The following FGF23 variants were observed in gnomAD, a reference collection of about 807,000 sequenced individuals.
FGF23 encodes fibroblast growth factor 23, also known as phosphatonin.
FGF23 carries 8 observed loss-of-function variants against 9.0 expected under a neutral mutation model. That is an observed-to-expected ratio of 0.89 (90% CI 0.52 to 1.60). FGF23 has a LOEUF of 1.60. FGF23 is among the 40% of genes most tolerant of loss of function. The pLI, the probability that FGF23 is intolerant of heterozygous loss-of-function variation, is 0.00. For missense variants in FGF23, 311 were observed against 344.3 expected (o/e 0.90, Z 0.77); for synonymous variants, 118 against 146.2 (o/e 0.81, Z 1.39).
chr12:4,373,993 C>T (rs1403577060), intron 1 of FGF23, among the ~76,000 whole-genome samples: 1 of 152,030 alleles, frequency 6.6e-6, no homozygotes, highest in African/African-American at 2.4e-5. Flanking sequence ...ATTTAAAGGC[C>T]AAAGCTCTTC....
Position 4,379,564 on chromosome 12 carries a change from T to C in FGF23, c.19A>G (p.Arg7Gly). The change falls in exon 1 of 3, where the codon AGG (arginine) becomes GGG (glycine). Residue 7 changes from arginine to glycine, a missense_variant. Coordinates refer to ENST00000237837, the MANE Select transcript of FGF23 (RefSeq NM_020638.3). The part of the protein sequence containing the change: MLGARL[R>G]LWVCALCSVC... The stretch of plus-strand genomic sequence containing the variant: ...CTGCACAAGGCACAGACCCAGAGCC[T>C]GAGGCGGGCCCCCAACATCGTGCCC... 3 of 1,606,858 alleles carry C rather than the reference T, an allele frequency of 1.9e-6. No individual in the cohort carries two copies. Among genetic ancestry groups the C allele is most frequent in the Non-Finnish European group, 2.5e-6 (3 of 1,178,278 alleles).
At chr12:4,374,131 G>A (rs1865092943) in intron 1 of FGF23, among the ~76,000 whole-genome samples, 1 of 152,140 alleles carries the variant, frequency 6.6e-6, no homozygotes, top group African/African-American at 2.4e-5. Context: ...GAATGAGGGT[G>A]GAGACAAGCC....
At chr12:4,376,175 C>T (rs1435199963) in intron 1 of FGF23, among the ~76,000 whole-genome samples, 3 of 152,182 alleles carry the variant, frequency 2.0e-5, no homozygotes, top group East Asian at 1.9e-4. Flanking sequence ...GTTCATGGAA[C>T]GGGTGATAAG....
In FGF23 at chr12:4,372,682, C is replaced by G. The variant is rs749233176; in HGVS notation, c.227G>C (p.Arg76Thr). 6.2e-7 allele frequency: 1 copy of G among 1,611,976 alleles called. No individual in the cohort carries two copies. The highest frequency in any genetic ancestry group is 8.5e-7 in the Non-Finnish European group (1 of 1,178,068). ...CACCACAAAGCCAGCATCCTCTGAT[C>G]TGATCATCAGGGCACCTATGGAGAA... is the stretch of plus-strand genomic sequence containing the variant. ...HQTIYSALMI[R>T]SEDAGFVVIT... is the part of the protein sequence containing the mutation. The change falls in exon 2 of 3, where the codon AGA becomes ACA. Residue 76 changes from arginine (R) to threonine (T), a missense_variant. Coordinates refer to ENST00000237837, the MANE Select transcript of FGF23 (RefSeq NM_020638.3).
At position 4,379,484 on chromosome 12, in the gene FGF23, G is replaced by T; in HGVS notation, c.99C>A (p.Gly33=). 1 of 1,613,334 alleles carries T rather than the reference G, an allele frequency of 6.2e-7. No individual in the cohort carries two copies. ...GGTGGATCAGGCCACCCCAGCTGGA[G>T]CCGAGCAGTGGGGAGGCATTGGGAT... The part of the protein sequence containing the change: ...RAYPNASPLL[G]SSWGGLIHLY... Residue 33 remains glycine, a synonymous_variant, in exon 1 of 3, where the codon GGC becomes GGA. Transcript: ENST00000237837.
Position 4,369,183 on chromosome 12 carries a change from C to T in FGF23, c.*1160G>A, listed in dbSNP as rs530084978. ...CACTGCTGCTGCAGAGCCCTAGAGA[C>T]CACAGACAAGAGCCTGACCATGTGG... On this transcript the variant is annotated 3_prime_UTR_variant, in exon 3 of 3. Transcript: ENST00000237837. The T allele has an allele frequency of 1.7e-5, 4 of 231,552 alleles. No individual in the cohort carries two copies. The highest frequency in any genetic ancestry group is 6.6e-5 in the African/African-American group (3 of 45,356). The allele number at this position is 231,552 out of a possible 1,614,324, so 14.3% of individuals were successfully genotyped here.
rs1258349138 is a variant in FGF23, at chr12:4,369,025, G to A, written c.*1318C>T. ...TCCTTTAGGTGGTCATTTAAAGAGA[G>A]GGAGGAAAATGGAGCCCCCTTACAG... On this transcript the variant is annotated 3_prime_UTR_variant, in exon 3 of 3. Transcript: ENST00000237837. 1 of 227,892 alleles carries A rather than the reference G, an allele frequency of 4.4e-6. No homozygotes were observed. The highest frequency in any genetic ancestry group is 2.2e-5 in the African/African-American group (1 of 45,032). The allele number at this position is 227,892 out of a possible 1,614,324, so 14.1% of individuals were successfully genotyped here. A position where few individuals can be genotyped will look rare whatever the true frequency, so the allele number is the denominator to read the frequency against.
chr12:4,375,051 G>C (rs1325022737), intron 1 of FGF23, among the ~76,000 whole-genome samples: 1 of 152,166 alleles, frequency 6.6e-6, no homozygotes. Flanking sequence ...CAAGAACCAG[G>C]GGACTTGGAT....
chr12:4,368,808 T>C lies in FGF23; in HGVS notation c.*1535A>G, dbSNP rs13312799. The C allele has an allele frequency of 1.2e-4, 26 of 210,714 alleles. No homozygotes were observed. The highest frequency in any genetic ancestry group is 5.7e-4 in the African/African-American group (25 of 44,224). 13.1% of individuals were successfully genotyped at this position (210,714 alleles called of 1,614,324 possible). ...TGGCTATATACTATTATACATAGTT[T>C]TACTGTTTCAGAATAGGAACCAGTC... On this transcript the variant is annotated 3_prime_UTR_variant, in exon 3 of 3. Coordinates refer to ENST00000237837, the MANE Select transcript of FGF23 (RefSeq NM_020638.3).
chr12:4,371,248 A>G (rs1362887269), intron 2 of FGF23, among the ~76,000 whole-genome samples: 1 of 152,170 alleles, frequency 6.6e-6, no homozygotes, highest in Non-Finnish European at 1.5e-5. Flanking sequence ...TGAATCCTCT[A>G]CCACTAGTAC....
At chr12:4,378,580 T>C (rs1188081562) in intron 1 of FGF23, among the ~76,000 whole-genome samples, 4 of 152,218 alleles carry the variant, frequency 2.6e-5, no homozygotes, top group Admixed American at 1.3e-4. Context: ...TTTAAAAACA[T>C]TCCAGTTGTC....
intron 1 of FGF23, among the ~76,000 whole-genome samples, chr12:4,373,507 T>C (rs1222334842): frequency 6.6e-6 from 1 of 152,168 alleles, no homozygotes; most frequent in Non-Finnish European, 1.5e-5. Context: ...TCTTCTTGGC[T>C]CTTCTTGGGT....
At position 4,372,465 on chromosome 12, in the gene FGF23, A is replaced by C. The variant is rs1865074726; in HGVS notation, c.315+129T>G. On this transcript the variant is annotated intron_variant, in intron 2 of 2. Coordinates refer to ENST00000237837, the MANE Select transcript of FGF23 (RefSeq NM_020638.3). ...GTTTAATTCATACTTAGACTGCATGAAGTATCAGTGGAAACAGGTCACCAG... is the reference window on the plus strand; with the variant it reads ...GTTTAATTCATACTTAGACTGCATGCAGTATCAGTGGAAACAGGTCACCAG... 4.2e-6 allele frequency: 3 copies of C among 710,700 alleles called. No homozygotes were observed. In the African/African-American group the frequency reaches 5.2e-5, roughly 12 times the overall value. The allele number at this position is 710,700 out of a possible 1,614,324, so 44.0% of individuals were successfully genotyped here.
chr12:4,379,232 CACAA>C, intron 1 of FGF23, 136 bp downstream of exon 1: 1 of 762,136 alleles, frequency 1.3e-6, no homozygotes, highest in South Asian at 1.4e-5. Context: ...CACACACACA[CACAA>C]AGACAATAAG....
At chr12:4,375,320 C>T (rs949602097) in intron 1 of FGF23, among the ~76,000 whole-genome samples, 11 of 152,148 alleles carry the variant, frequency 7.2e-5, no homozygotes, top group South Asian at 4.1e-4. Flanking sequence ...ATGGCACACA[C>T]GCTCCTGGTT....
Position 4,369,295 on chromosome 12 carries a change from AT to A in FGF23, c.*1047del. ...CACTTCATTTAGAGAAAAGGACACG[AT>A]TTTTCAGTCCACAGAAAACCTAACC... On this transcript the variant is annotated 3_prime_UTR_variant, in exon 3 of 3. Coordinates refer to ENST00000237837, the MANE Select transcript of FGF23 (RefSeq NM_020638.3). 1 of 231,510 alleles carries A rather than the reference AT, an allele frequency of 4.3e-6. No individual in the cohort carries two copies. Among genetic ancestry groups the A allele is most frequent in the Non-Finnish European group, 8.5e-6 (1 of 117,022 alleles). The allele number at this position is 231,510 out of a possible 1,614,324, so 14.3% of individuals were successfully genotyped here.
chr12:4,369,407 A>G lies in FGF23; in HGVS notation c.*936T>C, dbSNP rs1162767314. ...ATGGATTCCTACTCAACCTGGAAGT[A>G]GAGCCTTAATTAAATGCCTCTTAGG... is the stretch of plus-strand genomic sequence containing the variant. On this transcript the variant is annotated 3_prime_UTR_variant, in exon 3 of 3. Transcript: ENST00000237837. The G allele has an allele frequency of 1.7e-5, 4 of 231,056 alleles. No individual in the cohort carries two copies. Among genetic ancestry groups the G allele is most frequent in the Non-Finnish European group, 3.4e-5 (4 of 116,710 alleles). The allele number at this position is 231,056 out of a possible 1,614,324, so 14.3% of individuals were successfully genotyped here. A position where few individuals can be genotyped will look rare whatever the true frequency, so the allele number is the denominator to read the frequency against.
At chr12:4,375,072 A>C (rs924033035) in intron 1 of FGF23, among the ~76,000 whole-genome samples, 1 of 152,198 alleles carries the variant, frequency 6.6e-6, no homozygotes, top group Non-Finnish European at 1.5e-5. Context: ...TTTGGTCCCA[A>C]TTGTGCCACT....
At position 4,370,676 on chromosome 12, in the gene FGF23, C is replaced by T. The variant is rs13312792; in HGVS notation, c.423G>A (p.Ala141=). 1.1e-5 allele frequency: 17 copies of T among 1,614,136 alleles called. No homozygotes were observed. In the African/African-American group the frequency reaches 1.6e-4, roughly 15 times the overall value. The change falls in exon 3 of 3, where the codon GCG becomes GCA. Residue 141 remains alanine, a synonymous_variant. Coordinates refer to ENST00000237837, the MANE Select transcript of FGF23 (RefSeq NM_020638.3). The part of the protein sequence containing the change: ...QYHFLVSLGR[A]KRAFLPGMNP... ...TCATGCCTGGCAGGAAGGCTCTCTT[C>T]GCCCGGCCCAGACTGACCAGGAAGT...
Sources: gnomAD v4.1 joint callset for allele counts (sites outside exome capture counted in the v4.1 genomes callset) on GRCh38, gnomAD v4.1.1 for gene constraint, MANE v1.5 for transcripts, NCBI Gene and HGNC (gene_info 2026-07-23, HGNC 2026-07-21) for gene names.